The following UTP20 variants were observed in gnomAD, a reference collection of about 807,000 sequenced individuals.
UTP20 encodes the protein UTP20 small subunit processome component, also known as small subunit processome component 20 homolog.
In UTP20, 164 loss-of-function variants were observed where a neutral mutation model predicts 329.5. That is an observed-to-expected ratio of 0.50 (90% CI 0.44 to 0.57). The LOEUF (loss-of-function observed/expected upper bound fraction) is 0.57. Among genes scored for constraint, UTP20 ranks in the 20% least tolerant of loss-of-function variants. The pLI, the probability that UTP20 is intolerant of heterozygous loss-of-function variation, is 0.00. For synonymous variants in UTP20, 1,151 were observed against 1,159.3 expected (o/e 0.99, Z 0.14); for missense variants, 3,055 against 3,284.2 (o/e 0.93, Z 1.71).
intron 15 of UTP20, among the ~76,000 whole-genome samples, chr12:101,303,146 GTT>G (rs953829823): frequency 5.3e-4 from 80 of 152,242 alleles, no homozygotes; most frequent in African/African-American, 1.9e-3. Context: ...ATTTCCAAGT[GTT>G]TTAAAGATTT....
intron 59 of UTP20, 62 bp from the exon 60 acceptor site, chr12:101,383,481 G>T: frequency 6.4e-7 from 1 of 1,565,776 alleles, no homozygotes; most frequent in South Asian, 1.2e-5. Flanking sequence ...AATTAATGCT[G>T]TGTCTATGAT....
At chr12:101,323,615 T>C (rs1242996411) in intron 25 of UTP20, among the ~76,000 whole-genome samples, 1 of 152,200 alleles carries the variant, frequency 6.6e-6, no homozygotes, top group African/African-American at 2.4e-5. Context: ...TATGGGTCAT[T>C]TGTGTTTATT....
chr12:101,362,260 A>T (rs1452279849), intron 44 of UTP20, among the ~76,000 whole-genome samples, 200 bp downstream of exon 44: 1 of 152,198 alleles, frequency 6.6e-6, no homozygotes, highest in Non-Finnish European at 1.5e-5. Flanking sequence ...TCATAAATTG[A>T]TATGATCTTT....
At chr12:101,381,623 G>T (rs1403149368) in intron 58 of UTP20, among the ~76,000 whole-genome samples, 1 of 152,138 alleles carries the variant, frequency 6.6e-6, no homozygotes, top group Non-Finnish European at 1.5e-5. Context: ...ATGCTTGGGG[G>T]ATTAGATGAA....
intron 14 of UTP20, among the ~76,000 whole-genome samples, chr12:101,301,221 A>G (rs1872513390): frequency 6.6e-6 from 1 of 152,198 alleles, no homozygotes; most frequent in African/African-American, 2.4e-5. Flanking sequence ...TGAGTGTTTA[A>G]TTAATATCAT....
rs147338980 is a variant in UTP20 at position 101,365,898 on chromosome 12, A to G, written c.6125+273A>G. Among the ~76,000 whole-genome samples, 491 of 152,306 alleles carry G rather than the reference A, an allele frequency of 3.2e-3. 2 individuals carry two copies. The highest frequency in any genetic ancestry group is 0.011 in the African/African-American group (446 of 41,562). ...GATAGATTTTAAATCTGTATCTTGT[A>G]TTTTGATTAAACAGAGATTGAGACC... On this transcript the variant is annotated intron_variant, in intron 46 of 61. Coordinates refer to ENST00000261637, the MANE Select transcript of UTP20 (RefSeq NM_014503.3).
At chr12:101,295,826 A>G (rs1051779858) in intron 12 of UTP20, among the ~76,000 whole-genome samples, 168 bp downstream of exon 12, 3 of 149,614 alleles carry the variant, frequency 2.0e-5, no homozygotes, top group Non-Finnish European at 4.4e-5. Context: ...GTATAGTATG[A>G]TCTCATTTTG....
intron 29 of UTP20, among the ~76,000 whole-genome samples, chr12:101,334,975 A>C (rs186348820): frequency 6.6e-6 from 1 of 152,226 alleles, no homozygotes; most frequent in African/African-American, 2.4e-5. Flanking sequence ...TGTCTCAAAA[A>C]AAAAAAAAAG....
Position 101,373,731 on chromosome 12 carries a change from G to A in UTP20, c.7095G>A (p.Leu2365=), listed in dbSNP as rs2121038671. 7 of 1,611,612 alleles carry A rather than the reference G, an allele frequency of 4.3e-6. No individual in the cohort carries two copies. Among genetic ancestry groups the A allele is most frequent in the Middle Eastern group, 1.7e-4 (1 of 6,054 alleles). Residue 2365 remains leucine, a synonymous_variant, in exon 54 of 62, where the codon CTG becomes CTA. Coordinates refer to ENST00000261637, the MANE Select transcript of UTP20 (RefSeq NM_014503.3). ...TCAGCCTCGAGAAAAAAGATTGGCT[G>A]TTTGATATGGTTACCACTTGGTTTG... ...GKISLEKKDW[L]FDMVTTWFGA...
intron 56 of UTP20, among the ~76,000 whole-genome samples, chr12:101,378,083 G>A (rs1258040162): frequency 6.6e-6 from 1 of 152,172 alleles, no homozygotes; most frequent in Admixed American, 6.5e-5. Flanking sequence ...TGAGTGTGGT[G>A]TATGGAGAAT....
chr12:101,359,718 G>C (rs1230176051), intron 43 of UTP20, among the ~76,000 whole-genome samples: 12 of 151,686 alleles, frequency 7.9e-5, no homozygotes, highest in Non-Finnish European at 1.8e-4. Context: ...CTTAATTTTT[G>C]CATTTGTTTC....
In UTP20 at chr12:101,342,486, T is replaced by A; in HGVS notation, c.4142T>A (p.Leu1381Ter). 6.2e-7 allele frequency: 1 copy of A among 1,611,974 alleles called. No individual in the cohort carries two copies. Residue 1381 changes from leucine (L) to a stop codon, truncating the protein, a stop_gained, in exon 33 of 62, where the codon TTA (leucine) becomes TAA (stop). Transcript: ENST00000261637. LOFTEE classifies it high-confidence loss of function. ...VDILVTVQNL[L>*]KHCVDPTSFL... ...ATTCTGGTGACAGTACAAAACTTGT[T>A]AAAGCATTGTGTGGACCCTACAAGC...
In UTP20 at chr12:101,353,119, G is replaced by C; in HGVS notation, c.5097G>C (p.Glu1699Asp). ...KTLEEQMGKI[E>D]NEENAIEAIE... ...TTGAAGAACAAATGGGAAAAATTGA[G>C]AATGAAGAAAGTAAGTTTCTTAAAC... is the stretch of plus-strand genomic sequence containing the variant. The change falls in exon 40 of 62, where the codon GAG becomes GAC. Residue 1699 changes from glutamate (E) to aspartate (D), a missense_variant. Physicochemically the swap from Glu to Asp is conservative, Grantham distance 45. Around this residue, in one of 3 missense-constraint regions of UTP20, gnomAD observed 2,445 missense variants for 2,575.5 expected, o/e 0.95. Transcript: ENST00000261637. 6.3e-7 allele frequency: 1 copy of C among 1,595,432 alleles called. No homozygotes were observed. The highest frequency in any genetic ancestry group is 8.6e-7 in the Non-Finnish European group (1 of 1,166,960).
In UTP20 at chr12:101,352,164, C is replaced by T. The variant is rs753325126; in HGVS notation, c.4994C>T (p.Thr1665Met). The T allele has an allele frequency of 3.8e-5, 61 of 1,610,032 alleles. No homozygotes were observed. The highest frequency in any genetic ancestry group is 1.3e-4 in the East Asian group (6 of 44,852). Reference protein sequence around the residue: ...YLKHFIHVLQTGQINQKLGVS... With the variant: ...YLKHFIHVLQMGQINQKLGVS... The stretch of plus-strand genomic sequence containing the variant: ...AAACATTTCATTCATGTCTTACAAA[C>T]GGGACAGATCAATCAAAAACTGGGT... The change falls in exon 39 of 62, where the codon ACG becomes ATG. Residue 1665 changes from threonine to methionine, a missense_variant. Physicochemically the swap from Thr to Met is moderately conservative, Grantham distance 81. Around this residue, in one of 3 missense-constraint regions of UTP20, gnomAD observed 2,445 missense variants for 2,575.5 expected, o/e 0.95. Transcript: ENST00000261637.
intron 2 of UTP20, among the ~76,000 whole-genome samples, chr12:101,282,443 G>A (rs1433840128): frequency 6.9e-6 from 1 of 145,624 alleles, no homozygotes; most frequent in African/African-American, 2.6e-5. Context: ...GTCCAGTGTG[G>A]TTATAGGTGT....
chr12:101,285,375 A>G (rs546720957), intron 2 of UTP20, among the ~76,000 whole-genome samples, 195 bp from the exon 3 acceptor site: 24 of 152,284 alleles, frequency 1.6e-4, no homozygotes, highest in African/African-American at 5.1e-4. Flanking sequence ...ACAAAACAGC[A>G]TTTTATAAGT....
chr12:101,374,159 C>T (rs1026883107), intron 54 of UTP20, among the ~76,000 whole-genome samples: 2 of 149,944 alleles, frequency 1.3e-5, no homozygotes, highest in African/African-American at 4.9e-5. Context: ...GGCGTGAACC[C>T]GGGAGGCGGA....
chr12:101,379,528 C>G lies in UTP20; in HGVS notation c.7554C>G (p.Ile2518Met). 6.2e-7 allele frequency: 1 copy of G among 1,613,646 alleles called. No homozygotes were observed. The highest frequency in any genetic ancestry group is 8.5e-7 in the Non-Finnish European group (1 of 1,179,722). ...TKKHLPEPVA[I>M]KFLASDLDQK... ...AACACCTCCCAGAACCTGTAGCAAT[C>G]AAGTTCCTAGCCAGTGACCTTGACC... is the stretch of plus-strand genomic sequence containing the variant. Residue 2518 changes from isoleucine (I) to methionine (M), a missense_variant, in exon 57 of 62, where the codon ATC (isoleucine) becomes ATG (methionine). Physicochemically the swap from Ile to Met is conservative, Grantham distance 10. Coordinates refer to ENST00000261637, the MANE Select transcript of UTP20 (RefSeq NM_014503.3).
chr12:101,326,631 T>A (rs1413612909), intron 25 of UTP20, among the ~76,000 whole-genome samples: 1 of 152,160 alleles, frequency 6.6e-6, no homozygotes, highest in Non-Finnish European at 1.5e-5. Context: ...TATATTCTCA[T>A]TTTCATTTTT....
Sources: gnomAD v4.1 joint callset for allele counts (sites outside exome capture counted in the v4.1 genomes callset) on GRCh38, gnomAD v4.1.1 for gene constraint, gnomAD v4.1.1 regional missense constraint, MANE v1.5 for transcripts, NCBI Gene and HGNC (gene_info 2026-07-23, HGNC 2026-07-21) for gene names.